Variants in EXPH5 observed in about 807,000 individuals in gnomAD.
EXPH5 encodes the protein exophilin 5, also known as exophilin-5.
A neutral mutation model predicts 41.1 loss-of-function variants in EXPH5; 42 were observed. The observed-to-expected ratio is 1.02, with a 90% confidence interval of 0.80 to 1.32. The LOEUF is 1.32. EXPH5 is among the 40% of genes most tolerant of loss of function. The pLI, the probability that EXPH5 is intolerant of heterozygous loss-of-function variation, is 0.00. For missense variants in EXPH5, 2,298 were observed against 2,314.5 expected, an observed-to-expected ratio of 0.99 and a Z score of 0.15; for synonymous variants, 798 against 833.5, an observed-to-expected ratio of 0.96 and a Z score of 0.73.
At chr11:108,579,680 A>C (rs895488235) in intron 1 of EXPH5, among the ~76,000 whole-genome samples, 1 of 152,176 alleles carries the variant, frequency 6.6e-6, no homozygotes, top group African/African-American at 2.4e-5. Flanking sequence ...AAATTGTAGT[A>C]GGCAAATTGT....
At chr11:108,587,992 A>G (rs762980001) in intron 1 of EXPH5, among the ~76,000 whole-genome samples, 2 of 152,168 alleles carry the variant, frequency 1.3e-5, no homozygotes, top group African/African-American at 2.4e-5. Flanking sequence ...ACCTCAGGCA[A>G]TCCACCCATC....
intron 2 of EXPH5, among the ~76,000 whole-genome samples, chr11:108,540,440 T>C (rs1406272976): frequency 1.3e-5 from 2 of 152,092 alleles, no homozygotes; most frequent in South Asian, 4.1e-4. Flanking sequence ...AGGGTATGTA[T>C]GGGGGTGATC....
the EXPH5 span, among the ~76,000 whole-genome samples, chr11:108,602,747 G>C: frequency 2.0e-5 from 3 of 152,220 alleles, no homozygotes; most frequent in Non-Finnish European, 4.4e-5. Context: ...AGATTATAAG[G>C]GGTTAGTAGG....
At chr11:108,519,905 C>G (rs1390144163) in intron 4 of EXPH5, among the ~76,000 whole-genome samples, 5 of 131,346 alleles carry the variant, frequency 3.8e-5, no homozygotes, top group Non-Finnish European at 7.7e-5. Context: ...GAGCTAAGAT[C>G]GTGCCACTGC....
At chr11:108,570,640 CTCAAGCGAT>C (rs1176321751) in intron 1 of EXPH5, among the ~76,000 whole-genome samples, 2 of 152,146 alleles carry the variant, frequency 1.3e-5, no homozygotes, top group Admixed American at 1.3e-4. Flanking sequence ...AACTCCTGTG[CTCAAGCGAT>C]TCTGCCACCT....
At chr11:108,526,651 C>T (rs537385322) in intron 4 of EXPH5, among the ~76,000 whole-genome samples, 2 of 152,238 alleles carry the variant, frequency 1.3e-5, no homozygotes, top group Admixed American at 6.5e-5. Flanking sequence ...CCGCAGGTGG[C>T]GAGCAACTGG....
At chr11:108,539,926 A>T (rs1473594071) in intron 2 of EXPH5, among the ~76,000 whole-genome samples, 3 of 152,220 alleles carry the variant, frequency 2.0e-5, no homozygotes, top group African/African-American at 7.2e-5. Context: ...AGTCCCAAAC[A>T]TGTCAGATAA....
At chr11:108,594,446 A>T (rs2094135644), upstream of EXPH5, among the ~76,000 whole-genome samples, 1 of 152,268 alleles carries the variant, frequency 6.6e-6, no homozygotes, top group African/African-American at 2.4e-5. Context: ...AGTAATACAC[A>T]TGCCATTTAA....
intron 1 of EXPH5, 111 bp downstream of exon 1, chr11:108,593,307 G>T (rs1351044184): frequency 1.2e-5 from 11 of 902,280 alleles, no homozygotes; most frequent in South Asian, 4.7e-5. Flanking sequence ...CGCAGCAGCC[G>T]CTCGGAGCAC....
At chr11:108,550,916 C>T (rs997589892) in intron 1 of EXPH5, among the ~76,000 whole-genome samples, 2 of 152,036 alleles carry the variant, frequency 1.3e-5, no homozygotes, top group Non-Finnish European at 2.9e-5. Context: ...GTCAGAAAAG[C>T]CTCAACATTC....
At chr11:108,594,541 T>A (rs982634540), upstream of EXPH5, among the ~76,000 whole-genome samples, 5 of 152,192 alleles carry the variant, frequency 3.3e-5, no homozygotes, top group Non-Finnish European at 7.3e-5. Flanking sequence ...TGTTCCACAA[T>A]GCAATGAAGA....
intron 1 of EXPH5, among the ~76,000 whole-genome samples, chr11:108,569,486 C>G (rs1327534696): frequency 6.6e-6 from 1 of 152,104 alleles, no homozygotes; most frequent in African/African-American, 2.4e-5. Context: ...ATTGCAGGCA[C>G]ACGCCACCAT....
Position 108,511,328 on chromosome 11 carries a change from G to C in EXPH5, c.4179C>G (p.Thr1393=), listed in dbSNP as rs376431745. 6 of 1,584,014 alleles carry C rather than the reference G, an allele frequency of 3.8e-6. No individual in the cohort carries two copies. In the African/African-American group the frequency reaches 4.1e-5, roughly 11 times the overall value. ...KERGKKLQSE[T]LHTSLMLQRK... Reference sequence around the variant, plus strand: ...TCTGAAGCATCAATGAAGTATGCAGGGTTTCACTTTGCAACTTTTTGCCTC... The same window carrying C: ...TCTGAAGCATCAATGAAGTATGCAGCGTTTCACTTTGCAACTTTTTGCCTC... Residue 1393 remains threonine, a synonymous_variant, in exon 6 of 6, where the codon ACC becomes ACG. Transcript: ENST00000265843.
intron 1 of EXPH5, among the ~76,000 whole-genome samples, chr11:108,580,378 G>A (rs2094094191): frequency 1.3e-5 from 2 of 152,008 alleles, no homozygotes; most frequent in African/African-American, 2.4e-5. Context: ...GGTTAGAATA[G>A]CTATTATCAA....
chr11:108,518,783 G>C (rs1387351772), intron 4 of EXPH5, among the ~76,000 whole-genome samples: 1 of 152,186 alleles, frequency 6.6e-6, no homozygotes, highest in Non-Finnish European at 1.5e-5. Context: ...GTCGGCACGA[G>C]GTACAGGTCA....
intron 4 of EXPH5, among the ~76,000 whole-genome samples, chr11:108,520,028 C>G (rs2093755187): frequency 6.7e-6 from 1 of 150,302 alleles, no homozygotes; most frequent in Admixed American, 6.6e-5. Flanking sequence ...TAGAGGTCAT[C>G]TAGAATAGGG....
At chr11:108,576,464 A>G (rs1202440022) in intron 1 of EXPH5, among the ~76,000 whole-genome samples, 1 of 152,130 alleles carries the variant, frequency 6.6e-6, no homozygotes, top group African/African-American at 2.4e-5. Context: ...GGTACTAGAT[A>G]GAGGGGGTGA....
chr11:108,564,829 T>C (rs930802174), intron 1 of EXPH5, among the ~76,000 whole-genome samples: 6 of 147,920 alleles, frequency 4.1e-5, no homozygotes, highest in African/African-American at 1.6e-4. Flanking sequence ...AAAAGTTTTC[T>C]TTTTTTTTCT....
intron 3 of EXPH5, among the ~76,000 whole-genome samples, chr11:108,532,336 C>T (rs2093843449): frequency 2.6e-5 from 1 of 39,080 alleles, no homozygotes; most frequent in Non-Finnish European, 4.7e-5. Context: ...CACCACCACA[C>T]TGGATATATA....
Sources: allele counts gnomAD v4.1 joint callset (sites outside exome capture counted in the v4.1 genomes callset), GRCh38; gene constraint gnomAD v4.1.1; transcripts MANE v1.5; gene names NCBI Gene and HGNC (gene_info 2026-07-23, HGNC 2026-07-21).